LYN: variants seen among roughly 807,000 people sequenced by gnomAD.
LYN encodes LYN proto-oncogene, Src family tyrosine kinase, also known as tyrosine-protein kinase Lyn.
Under a neutral mutation model 65.0 loss-of-function variants are expected in LYN, and 12 were observed. The ratio of observed to expected loss-of-function variants is 0.18; its 90% CI spans 0.12 to 0.30. LYN has a LOEUF of 0.30. Ranked by LOEUF, LYN falls within the 10% of genes least tolerant of loss-of-function variation. The pLI is 1.00. For synonymous variants in LYN, 222 were observed against 221.2 expected (o/e 1.00, Z -0.03); for missense variants, 380 against 623.2 (o/e 0.61, Z 4.16).
chr8:55,915,440 C>G (rs1418031670), intron 1 of LYN, among the ~76,000 whole-genome samples: 1 of 152,214 alleles, frequency 6.6e-6, no homozygotes, highest in Non-Finnish European at 1.5e-5. Flanking sequence ...GGGCCTGGCT[C>G]ATGCCTGTAA....
intron 1 of LYN, among the ~76,000 whole-genome samples, chr8:55,918,920 T>A (rs1805856598): frequency 6.9e-6 from 1 of 145,360 alleles, no homozygotes; most frequent in Non-Finnish European, 1.5e-5. Context: ...GAGAATGGGC[T>A]GGGTGCAGTG....
chr8:55,965,305 G>T (rs1375266238), intron 8 of LYN, among the ~76,000 whole-genome samples: 2 of 152,084 alleles, frequency 1.3e-5, no homozygotes, highest in Non-Finnish European at 2.9e-5. Context: ...GAAACGCTGG[G>T]GTGAACAAAT....
intron 1 of LYN, among the ~76,000 whole-genome samples, chr8:55,935,527 A>C (rs916756735): frequency 2.0e-5 from 3 of 152,168 alleles, no homozygotes; most frequent in Non-Finnish European, 4.4e-5. Context: ...TAATCCCAGC[A>C]CTTTGGGAGG....
Position 55,933,411 on chromosome 8 carries a change from A to G in LYN, c.-5-8444A>G, listed in dbSNP as rs112710277. 1.0e-3 allele frequency among the ~76,000 whole-genome samples: 156 copies of G among 152,356 alleles called. 1 individual carries two copies. The highest frequency in any genetic ancestry group is 3.6e-3 in the African/African-American group (150 of 41,584). On this transcript the variant is annotated intron_variant, in intron 1 of 12. Coordinates refer to ENST00000519728, the MANE Select transcript of LYN (RefSeq NM_002350.4). ...TCTATATGGTATTCCAAACAGTCCCACAATAAGTATTCTCTTGTATAGAAC... is the reference window on the plus strand; with the variant it reads ...TCTATATGGTATTCCAAACAGTCCCGCAATAAGTATTCTCTTGTATAGAAC...
chr8:55,978,236 T>G (rs1044906346), intron 10 of LYN, among the ~76,000 whole-genome samples: 1 of 152,068 alleles, frequency 6.6e-6, no homozygotes. Context: ...GACCTGTGCT[T>G]TAAAAGTTGC....
At chr8:55,908,266 A>G (rs1425091589) in intron 1 of LYN, among the ~76,000 whole-genome samples, 4 of 106,060 alleles carry the variant, frequency 3.8e-5, no homozygotes, top group Non-Finnish European at 7.2e-5. Context: ...TTTATTTGAG[A>G]CAGAGTCTCA....
At chr8:55,953,483 C>G (rs963765755) in intron 7 of LYN, among the ~76,000 whole-genome samples, 1 of 151,968 alleles carries the variant, frequency 6.6e-6, no homozygotes, top group Non-Finnish European at 1.5e-5. Flanking sequence ...TCTGTCTCTA[C>G]TAAAAAATAT....
At chr8:55,952,298 C>G (rs566608210) in intron 7 of LYN, among the ~76,000 whole-genome samples, 183 bp downstream of exon 7, 1 of 152,184 alleles carries the variant, frequency 6.6e-6, no homozygotes, top group Non-Finnish European at 1.5e-5. Context: ...GTGGCTCACG[C>G]CTGTAATCCC....
rs2130604642 is a variant in LYN, at chr8:56,010,056, C to T, written c.1485C>T (p.Ser495=). Residue 495 remains serine (S), a synonymous_variant, in exon 13 of 13, where the codon AGC becomes AGT. Coordinates refer to ENST00000519728, the MANE Select transcript of LYN (RefSeq NM_002350.4). ...GACCAACGTTTGACTACTTACAGAG[C>T]GTCCTGGATGATTTCTACACAGCCA... ...EERPTFDYLQ[S]VLDDFYTATE... is the part of the protein sequence containing the mutation. The T allele has an allele frequency of 1.2e-6, 2 of 1,614,110 alleles. No individual in the cohort carries two copies. The highest frequency in any genetic ancestry group is 1.7e-6 in the Non-Finnish European group (2 of 1,180,020).
At chr8:55,967,811 T>A (rs1407624865) in intron 9 of LYN, among the ~76,000 whole-genome samples, 1 of 152,214 alleles carries the variant, frequency 6.6e-6, no homozygotes, top group Non-Finnish European at 1.5e-5. Flanking sequence ...AGACTTTGAA[T>A]CAACATCCTT....
chr8:55,955,506 G>A (rs56181546), intron 8 of LYN, among the ~76,000 whole-genome samples: 33,974 of 151,954 alleles, frequency 0.22, 4,030 homozygotes, highest in Middle Eastern at 0.31. Flanking sequence ...TCATTTCTCT[G>A]TGTGCTCTTT....
At chr8:55,891,339 CG>C (rs1804957887) in intron 1 of LYN, among the ~76,000 whole-genome samples, 1 of 143,512 alleles carries the variant, frequency 7.0e-6, no homozygotes, top group Non-Finnish European at 1.5e-5. Flanking sequence ...GCAACAAGAG[CG>C]AAACTCCGGC....
chr8:55,956,427 TTAA>T (rs1807114492), intron 8 of LYN, among the ~76,000 whole-genome samples: 4 of 152,340 alleles, frequency 2.6e-5, no homozygotes, highest in African/African-American at 9.6e-5. Flanking sequence ...GGTCCTATTC[TTAA>T]TGATGTTCTA....
intron 10 of LYN, among the ~76,000 whole-genome samples, chr8:55,997,976 C>T (rs965465885): frequency 1.4e-4 from 21 of 151,920 alleles, no homozygotes; most frequent in African/African-American, 3.6e-4. Context: ...CCCAGCTACT[C>T]GGGAGGCTGA....
intron 1 of LYN, among the ~76,000 whole-genome samples, chr8:55,905,197 G>A (rs2130390502): frequency 1.3e-5 from 2 of 152,292 alleles, no homozygotes; most frequent in East Asian, 3.9e-4. Context: ...GATCACCTGA[G>A]GTCAGGAGTT....
chr8:56,000,838 A>G (rs2130587757), intron 12 of LYN, among the ~76,000 whole-genome samples: 1 of 152,074 alleles, frequency 6.6e-6, no homozygotes, highest in Admixed American at 6.5e-5. Context: ...TTTAAAATTA[A>G]ATTTTTAATG....
rs1422982748 is a variant in LYN, at chr8:55,966,810, A to G, written c.886A>G (p.Thr296Ala). Reference sequence around the variant, plus strand: ...CCTGGAAGAAGCCAACCTCATGAAGACCCTGCAGCATGACAAGCTCGTGAG... The same window carrying G: ...CCTGGAAGAAGCCAACCTCATGAAGGCCCTGCAGCATGACAAGCTCGTGAG... ...AFLEEANLMK[T>A]LQHDKLVRLY... is the part of the protein sequence containing the mutation. Residue 296 changes from threonine (T) to alanine (A), a missense_variant, in exon 9 of 13, where the codon ACC becomes GCC. Transcript: ENST00000519728. The G allele has an allele frequency of 3.1e-6, 5 of 1,613,920 alleles. No homozygotes were observed. Among genetic ancestry groups the G allele is most frequent in the Non-Finnish European group, 4.2e-6 (5 of 1,180,000 alleles).
intron 1 of LYN, among the ~76,000 whole-genome samples, chr8:55,902,248 T>C (rs1202303597): frequency 6.6e-6 from 1 of 152,000 alleles, no homozygotes; most frequent in African/African-American, 2.4e-5. Context: ...CCTCAGGTGA[T>C]CTGCCCATTT....
chr8:55,900,998 C>G (rs901529183), intron 1 of LYN, among the ~76,000 whole-genome samples: 2 of 152,010 alleles, frequency 1.3e-5, no homozygotes, highest in Non-Finnish European at 2.9e-5. Flanking sequence ...TAGCCCCTTT[C>G]CTGTTCTGGT....
Sources: allele counts gnomAD v4.1 joint callset (sites outside exome capture counted in the v4.1 genomes callset), GRCh38; gene constraint gnomAD v4.1.1; transcripts MANE v1.5; gene names NCBI Gene and HGNC (gene_info 2026-07-23, HGNC 2026-07-21).